The following FGF14 variants were observed in gnomAD, a reference collection of about 807,000 sequenced individuals.
FGF14 encodes the protein fibroblast growth factor homologous factor 4.
In FGF14, 5 loss-of-function variants were observed where a neutral mutation model predicts 25.5. The observed-to-expected ratio is 0.20, with a 90% confidence interval of 0.10 to 0.41. The LOEUF is 0.41. Among genes scored for constraint, FGF14 ranks in the 10% least tolerant of loss-of-function variants. The probability of loss-of-function intolerance (pLI) is 1.00; values close to 1 mark genes in which losing one functional copy is unlikely to be tolerated. For missense variants in FGF14, 222 were observed against 320.1 expected, an observed-to-expected ratio of 0.69 and a Z score of 2.34; for synonymous variants, 138 against 118.3, an observed-to-expected ratio of 1.17 and a Z score of -1.08.
At chr13:101,876,400 A>C (rs2045396227) in intron 1 of FGF14, among the ~76,000 whole-genome samples, 1 of 152,164 alleles carries the variant, frequency 6.6e-6, no homozygotes, top group African/African-American at 2.4e-5. Flanking sequence ...AGCACCTTAT[A>C]ATCAATAGAA....
chr13:102,039,350 TCTCCTGGGG>T (rs2041623452), intron 1 of FGF14, among the ~76,000 whole-genome samples: 1 of 152,022 alleles, frequency 6.6e-6, no homozygotes, highest in Non-Finnish European at 1.5e-5. Flanking sequence ...TCCGAGTGGG[TCTCCTGGGG>T]CTCCTGTAAG....
At chr13:102,137,206 T>C (rs1456813959) in intron 1 of FGF14, among the ~76,000 whole-genome samples, 1 of 152,218 alleles carries the variant, frequency 6.6e-6, no homozygotes, top group Non-Finnish European at 1.5e-5. Context: ...ATATTCATGC[T>C]GAAGCAACCT....
Position 102,060,960 on chromosome 13 carries a change from C to A in FGF14, c.209-185664G>T, listed in dbSNP as rs138328360. On this transcript the variant is annotated intron_variant, in intron 1 of 4. Transcript: ENST00000376131. The stretch of plus-strand genomic sequence containing the variant: ...AGAAGAACACACCAACAGAGGCCAG[C>A]AGGTCATTGATGGCGGAACAATGCG... Among the ~76,000 whole-genome samples, 374 of 152,310 alleles carry A rather than the reference C, an allele frequency of 2.5e-3. 3 individuals carry two copies. Among genetic ancestry groups the A allele is most frequent in the African/African-American group, 8.5e-3 (352 of 41,574 alleles).
intron 1 of FGF14, among the ~76,000 whole-genome samples, chr13:102,332,532 A>G (rs1273596792): frequency 6.6e-6 from 1 of 152,114 alleles, no homozygotes; most frequent in Non-Finnish European, 1.5e-5. Flanking sequence ...AACTAGGAAA[A>G]TTCCATTTTC....
intron 1 of FGF14, among the ~76,000 whole-genome samples, chr13:102,222,329 T>G (rs749867513): frequency 3.3e-5 from 5 of 152,240 alleles, no homozygotes; most frequent in Non-Finnish European, 2.9e-5. Context: ...TCATTTTATA[T>G]TCAGCCTTGC....
intron 1 of FGF14, among the ~76,000 whole-genome samples, chr13:102,012,669 T>C (rs567942399): frequency 6.6e-6 from 1 of 152,262 alleles, no homozygotes; most frequent in South Asian, 2.1e-4. Context: ...AGTTGTGTGG[T>C]CATGTAATAT....
intron 1 of FGF14, among the ~76,000 whole-genome samples, chr13:102,231,032 G>T (rs2051062711): frequency 6.6e-6 from 1 of 152,142 alleles, no homozygotes; most frequent in African/African-American, 2.4e-5. Context: ...GATTCAAAAT[G>T]TATTATTTCC....
intron 1 of FGF14, among the ~76,000 whole-genome samples, chr13:102,005,125 T>A (rs1168185326): frequency 6.6e-6 from 1 of 152,218 alleles, no homozygotes; most frequent in Non-Finnish European, 1.5e-5. Flanking sequence ...ATTTCATTTA[T>A]TACTGGGATT....
chr13:102,160,657 A>G (rs1418748241), intron 1 of FGF14, among the ~76,000 whole-genome samples: 1 of 152,142 alleles, frequency 6.6e-6, no homozygotes, highest in Non-Finnish European at 1.5e-5. Context: ...TGTTCCACAG[A>G]AAACAGAGGG....
At chr13:101,972,738 A>C (rs4372565) in intron 1 of FGF14, among the ~76,000 whole-genome samples, 1 of 151,688 alleles carries the variant, frequency 6.6e-6, no homozygotes, top group Admixed American at 6.6e-5. Context: ...CGAACTCCCC[A>C]GCTCAAGCTA....
At chr13:102,161,575 A>AGAAGG (rs1158303272) in intron 1 of FGF14, among the ~76,000 whole-genome samples, 1 of 5,476 alleles carries the variant, frequency 1.8e-4, no homozygotes, top group Non-Finnish European at 4.9e-4. Flanking sequence ...TGAAGAAAGA[A>AGAAGG]AGAAGAAGAA....
At chr13:101,772,594 T>C (rs2038848412) in intron 3 of FGF14, among the ~76,000 whole-genome samples, 1 of 152,070 alleles carries the variant, frequency 6.6e-6, no homozygotes, top group Non-Finnish European at 1.5e-5. Context: ...TTCACTCTAA[T>C]TGGTAAGTTT....
chr13:102,135,059 AC>A (rs1330878547), intron 1 of FGF14, among the ~76,000 whole-genome samples: 48 of 143,992 alleles, frequency 3.3e-4, no homozygotes, highest in African/African-American at 1.2e-3. Context: ...ACACACACAC[AC>A]AAATCCGCGT....
chr13:101,822,066 A>G (rs1006045000), intron 3 of FGF14, among the ~76,000 whole-genome samples: 5 of 152,136 alleles, frequency 3.3e-5, no homozygotes, highest in African/African-American at 1.2e-4. Context: ...ATACTGTAGG[A>G]AAACTGTGTC....
At chr13:102,052,687 T>C (rs2042266951) in intron 1 of FGF14, among the ~76,000 whole-genome samples, 1 of 151,660 alleles carries the variant, frequency 6.6e-6, no homozygotes, top group African/African-American at 2.4e-5. Flanking sequence ...CCAGCAAATA[T>C]GTCCTTCAGA....
chr13:101,959,355 G>A (rs1034560824), intron 1 of FGF14, among the ~76,000 whole-genome samples: 1 of 151,026 alleles, frequency 6.6e-6, no homozygotes, highest in Non-Finnish European at 1.5e-5. Flanking sequence ...AGTTGCCCAT[G>A]GTGTGTGTTC....
chr13:101,856,394 T>C (rs561471470), intron 3 of FGF14, among the ~76,000 whole-genome samples: 6 of 152,042 alleles, frequency 3.9e-5, no homozygotes, highest in African/African-American at 1.2e-4. Context: ...TCTATTACTA[T>C]ATACCAAGAG....
At chr13:101,903,151 G>A (rs1382749662) in intron 1 of FGF14, among the ~76,000 whole-genome samples, 2 of 152,034 alleles carry the variant, frequency 1.3e-5, no homozygotes, top group Non-Finnish European at 2.9e-5. Context: ...TTATCTACCA[G>A]AACTTCAGAC....
intron 1 of FGF14, among the ~76,000 whole-genome samples, chr13:102,331,152 G>A (rs1363247625): frequency 6.6e-6 from 1 of 152,102 alleles, no homozygotes; most frequent in African/African-American, 2.4e-5. Context: ...ATATAAAGCA[G>A]TCAGAAAATT....
Sources: allele counts gnomAD v4.1 joint callset (sites outside exome capture counted in the v4.1 genomes callset), GRCh38; gene constraint gnomAD v4.1.1; transcripts MANE v1.5; gene names NCBI Gene and HGNC (gene_info 2026-07-23, HGNC 2026-07-21).